Variants in ERBB4 observed in about 807,000 individuals in gnomAD.
The protein encoded by ERBB4 is erb-b2 receptor tyrosine kinase 4.
A neutral mutation model predicts 158.0 loss-of-function variants in ERBB4; 42 were observed. The observed-to-expected ratio is 0.27, with a 90% CI of 0.21 to 0.34. The LOEUF is 0.34. Among genes scored for constraint, ERBB4 ranks in the 10% least tolerant of loss-of-function variants. The pLI, the probability that ERBB4 is intolerant of heterozygous loss-of-function variation, is 1.00. For synonymous variants in ERBB4, 583 were observed against 558.7 expected, an observed-to-expected ratio of 1.04 and a Z score of -0.61; for missense variants, 1,333 against 1,624.1, an observed-to-expected ratio of 0.82 and a Z score of 3.08.
At chr2:211,871,420 C>T (rs905319905) in intron 3 of ERBB4, among the ~76,000 whole-genome samples, 3 of 151,692 alleles carry the variant, frequency 2.0e-5, no homozygotes, top group Non-Finnish European at 2.9e-5. Flanking sequence ...TTTCTCTATG[C>T]CAATAAATTA....
At chr2:211,861,121 ATTT>A (rs1159827957) in intron 3 of ERBB4, among the ~76,000 whole-genome samples, 643 of 19,588 alleles carry the variant, frequency 0.033, 28 homozygotes, top group Middle Eastern at 0.079. Flanking sequence ...TTATATATAT[ATTT>A]TATATATATA....
At chr2:211,572,614 C>T (rs1394305983) in intron 19 of ERBB4, among the ~76,000 whole-genome samples, 2 of 152,144 alleles carry the variant, frequency 1.3e-5, no homozygotes, top group Admixed American at 6.5e-5. Flanking sequence ...TCACAGCTGC[C>T]GTCAATTTGA....
In ERBB4 at chr2:212,305,926, GT is replaced by G. The variant is rs532308514; in HGVS notation, c.83-181024del. On this transcript the variant is annotated intron_variant, in intron 1 of 27. Transcript: ENST00000342788. ...ATATGATTGTAAAAATAGCCTCAAT[GT>G]TTTTTAGACATGCTAAAATAATTTA... Among the ~76,000 whole-genome samples, 1,234 of 151,382 alleles carry G rather than the reference GT, an allele frequency of 8.2e-3. 12 individuals carry two copies. The highest frequency in any genetic ancestry group is 0.027 in the African/African-American group (1,134 of 41,418).
chr2:211,998,216 T>A (rs2076013929), intron 2 of ERBB4, among the ~76,000 whole-genome samples: 1 of 151,866 alleles, frequency 6.6e-6, no homozygotes, highest in South Asian at 2.1e-4. Context: ...AGAAACAGAA[T>A]ATAACAAATG....
chr2:211,492,114 T>A (rs1187344198), intron 20 of ERBB4, among the ~76,000 whole-genome samples: 5 of 151,514 alleles, frequency 3.3e-5, no homozygotes, highest in African/African-American at 1.2e-4. Flanking sequence ...TTAAACTGAA[T>A]AGGATATATT....
chr2:212,048,350 T>A (rs1042428051), intron 2 of ERBB4, among the ~76,000 whole-genome samples: 1 of 152,158 alleles, frequency 6.6e-6, no homozygotes, highest in African/African-American at 2.4e-5. Context: ...AGCAGTAGTG[T>A]AAAGTAAGAA....
intron 27 of ERBB4, among the ~76,000 whole-genome samples, chr2:211,386,210 G>C (rs2125316591): frequency 6.6e-6 from 1 of 151,902 alleles, no homozygotes; most frequent in Non-Finnish European, 1.5e-5. Flanking sequence ...ATTTGATTTG[G>C]GTGCTTAACA....
chr2:211,485,990 T>C (rs543071206), intron 20 of ERBB4, among the ~76,000 whole-genome samples: 3 of 152,172 alleles, frequency 2.0e-5, no homozygotes, highest in East Asian at 1.9e-4. Flanking sequence ...GGTTTATAAA[T>C]GAGTATCAGT....
chr2:211,665,622 T>C, intron 14 of ERBB4, 145 bp from the exon 15 acceptor site: 1 of 774,656 alleles, frequency 1.3e-6, no homozygotes, highest in Non-Finnish European at 2.2e-6. Context: ...GCAGTGCAAA[T>C]GTGGATGTAA....
chr2:212,422,074 T>C (rs77958857), intron 1 of ERBB4, among the ~76,000 whole-genome samples: 1,985 of 152,290 alleles, frequency 0.013, 16 homozygotes, highest in Middle Eastern at 0.037. Context: ...TAATTCACCA[T>C]TGAAAAGTAT....
intron 1 of ERBB4, among the ~76,000 whole-genome samples, chr2:212,271,918 T>A (rs1260165459): frequency 6.6e-6 from 1 of 151,806 alleles, no homozygotes; most frequent in Non-Finnish European, 1.5e-5. Flanking sequence ...GTATTTTTCA[T>A]ATTTTAAAAT....
At chr2:212,221,492 C>T (rs1202102566) in intron 1 of ERBB4, among the ~76,000 whole-genome samples, 1 of 151,498 alleles carries the variant, frequency 6.6e-6, no homozygotes, top group Non-Finnish European at 1.5e-5. Context: ...ACAGACATCT[C>T]ACTGAGTTTC....
At chr2:212,063,709 G>A (rs1398180043) in intron 2 of ERBB4, among the ~76,000 whole-genome samples, 2 of 151,956 alleles carry the variant, frequency 1.3e-5, no homozygotes, top group Non-Finnish European at 2.9e-5. Flanking sequence ...TAAAATCAAC[G>A]AAATAAACAA....
intron 1 of ERBB4, among the ~76,000 whole-genome samples, chr2:212,203,101 G>T (rs1024237233): frequency 4.0e-5 from 6 of 151,810 alleles, no homozygotes; most frequent in Non-Finnish European, 5.9e-5. Context: ...TTACATTTAG[G>T]GGAATCAACT....
chr2:211,884,612 G>A (rs1451635778), intron 3 of ERBB4, among the ~76,000 whole-genome samples: 1 of 152,048 alleles, frequency 6.6e-6, no homozygotes, highest in Non-Finnish European at 1.5e-5. Flanking sequence ...ATTTTCTAAA[G>A]GTGCCCATTT....
chr2:212,041,644 C>T (rs1411501240), intron 2 of ERBB4, among the ~76,000 whole-genome samples: 1 of 149,408 alleles, frequency 6.7e-6, no homozygotes, highest in Non-Finnish European at 1.5e-5. Flanking sequence ...TCTTTCAAAG[C>T]TTACATGACT....
intron 19 of ERBB4, among the ~76,000 whole-genome samples, chr2:211,579,644 T>C (rs577518562): frequency 1.3e-5 from 2 of 152,252 alleles, no homozygotes; most frequent in South Asian, 2.1e-4. Context: ...TCATGTCCTT[T>C]ATAGAGATGT....
chr2:212,265,723 C>A (rs1408611721), intron 1 of ERBB4, among the ~76,000 whole-genome samples: 1 of 152,044 alleles, frequency 6.6e-6, no homozygotes, highest in Non-Finnish European at 1.5e-5. Context: ...CTCCATGATA[C>A]AATAAAACCC....
intron 1 of ERBB4, among the ~76,000 whole-genome samples, chr2:212,514,909 C>T (rs529061574): frequency 6.6e-6 from 1 of 152,090 alleles, no homozygotes; most frequent in South Asian, 2.1e-4. Context: ...GTCACAAATA[C>T]ATATTATTGC....
Sources: gnomAD v4.1 joint callset for allele counts (sites outside exome capture counted in the v4.1 genomes callset) on GRCh38, gnomAD v4.1.1 for gene constraint, MANE v1.5 for transcripts, NCBI Gene and HGNC (gene_info 2026-07-23, HGNC 2026-07-21) for gene names.